The following CCDC126 variants were observed in gnomAD, a reference collection of about 807,000 sequenced individuals.
CCDC126 encodes coiled-coil domain containing 126.
A neutral mutation model predicts 11.7 loss-of-function variants in CCDC126; 5 were observed. The observed-to-expected ratio is 0.43, with a 90% CI of 0.22 to 0.90. The LOEUF is 0.90. Ranked by LOEUF, CCDC126 falls within the 40% of genes least tolerant of loss-of-function variation. The pLI, the probability that CCDC126 is intolerant of heterozygous loss-of-function variation, is 0.27. For synonymous variants in CCDC126, 60 were observed against 61.9 expected (o/e 0.97, Z 0.14); for missense variants, 150 against 163.1 (o/e 0.92, Z 0.44).
chr7:23,628,491 C>T (rs548356380), intron 3 of CCDC126, among the ~76,000 whole-genome samples: 3 of 152,212 alleles, frequency 2.0e-5, no homozygotes, highest in Non-Finnish European at 2.9e-5. Flanking sequence ...AGCCAAACAT[C>T]ACAGAAAAAA....
At chr7:23,627,240 G>T (rs1034412659) in intron 3 of CCDC126, among the ~76,000 whole-genome samples, 2 of 152,090 alleles carry the variant, frequency 1.3e-5, no homozygotes, top group Non-Finnish European at 2.9e-5. Context: ...TGCCAGCCAG[G>T]TGCAGTGGCT....
chr7:23,612,566 G>A (rs374466330), intron 3 of CCDC126, among the ~76,000 whole-genome samples: 2 of 151,292 alleles, frequency 1.3e-5, no homozygotes, highest in Admixed American at 6.6e-5. Context: ...TTAGCTAGTC[G>A]GGAGGCTGAG....
intron 2 of CCDC126, among the ~76,000 whole-genome samples, chr7:23,605,767 A>T (rs1057114473): frequency 6.6e-6 from 1 of 152,166 alleles, no homozygotes; most frequent in Non-Finnish European, 1.5e-5. Flanking sequence ...TAATGCTGCA[A>T]TGAACACTGG....
chr7:23,642,404 G>A (rs985109953), intron 3 of CCDC126, among the ~76,000 whole-genome samples: 2 of 152,110 alleles, frequency 1.3e-5, no homozygotes, highest in African/African-American at 4.8e-5. Context: ...CTAGAAAAGC[G>A]AGAGTTTCCC....
chr7:23,624,373 C>T (rs1782976799), intron 3 of CCDC126, among the ~76,000 whole-genome samples: 1 of 152,160 alleles, frequency 6.6e-6, no homozygotes, highest in South Asian at 2.1e-4. Flanking sequence ...AAACTCCTGG[C>T]CTCATGTCGT....
chr7:23,617,348 CAAAAA>C (rs35391703), intron 3 of CCDC126, among the ~76,000 whole-genome samples: 58 of 36,242 alleles, frequency 1.6e-3, no homozygotes, highest in Middle Eastern at 0.025. Flanking sequence ...ATGCTGTCTC[CAAAAA>C]AAAAAAAAAA....
intron 3 of CCDC126, among the ~76,000 whole-genome samples, chr7:23,641,975 A>T (rs576079603): frequency 9.2e-5 from 14 of 152,184 alleles, no homozygotes; most frequent in South Asian, 2.1e-4. Context: ...TCTCTTTCTT[A>T]GCTAGCTTTT....
intron 3 of CCDC126, among the ~76,000 whole-genome samples, chr7:23,629,199 T>G (rs558249798): frequency 6.6e-6 from 1 of 152,344 alleles, no homozygotes; most frequent in East Asian, 1.9e-4. Flanking sequence ...TTGGTAGTAT[T>G]AGAAGGTGGC....
chr7:23,622,677 A>T (rs1161956122), intron 3 of CCDC126: 1 of 532,678 alleles, frequency 1.9e-6, no homozygotes, highest in African/African-American at 1.9e-5. Flanking sequence ...TATGCAGATG[A>T]CTGCTTAGTA....
chr7:23,605,946 T>C (rs1782615502), intron 2 of CCDC126, among the ~76,000 whole-genome samples: 6 of 152,122 alleles, frequency 3.9e-5, no homozygotes. Flanking sequence ...CAGAAGAGTT[T>C]CGATTTGTTC....
chr7:23,619,171 G>C (rs1782845911), intron 3 of CCDC126, among the ~76,000 whole-genome samples: 2 of 152,148 alleles, frequency 1.3e-5, no homozygotes, highest in South Asian at 4.1e-4. Context: ...TTGGAGTGGT[G>C]CACAGAATTT....
Position 23,603,922 on chromosome 7 carries a change from T to C in CCDC126, c.-146+5871T>C, listed in dbSNP as rs138431456. 7.2e-5 allele frequency among the ~76,000 whole-genome samples: 11 copies of C among 152,314 alleles called. No individual in the cohort carries two copies. In the East Asian group the frequency reaches 2.1e-3, roughly 29 times the overall value. On this transcript the variant is annotated intron_variant, in intron 2 of 3. Transcript: ENST00000307471. ...GGGACTTAATCAGGGAGACATGGCT[T>C]ACACACATGCTTGGATGTGTGATAT...
chr7:23,609,861 TA>T (rs869282573), intron 2 of CCDC126, among the ~76,000 whole-genome samples: 1 of 152,120 alleles, frequency 6.6e-6, no homozygotes, highest in East Asian at 1.9e-4. Context: ...GACCCTGTCT[TA>T]AAAAATAAAT....
rs190240511 is a variant in CCDC126 at position 23,617,455 on chromosome 7, T to C, written c.238+5902T>C. 3.1e-3 allele frequency among the ~76,000 whole-genome samples: 467 copies of C among 152,250 alleles called. 3 individuals carry two copies. Among genetic ancestry groups the C allele is most frequent in the Middle Eastern group, 0.014 (4 of 294 alleles). ...TTTTCTGAAGCGTTTTTATGTTTCT[T>C]CCAAATATATCTGGTGATCCTTATT... On this transcript the variant is annotated intron_variant, in intron 3 of 3. Coordinates refer to ENST00000307471, the MANE Select transcript of CCDC126 (RefSeq NM_138771.4).
chr7:23,618,538 A>ATGT (rs1562493420), intron 3 of CCDC126, among the ~76,000 whole-genome samples: 1 of 119,618 alleles, frequency 8.4e-6, no homozygotes, highest in Non-Finnish European at 1.7e-5. Flanking sequence ...GATCAGCTAA[A>ATGT]TTTTTTTTTT....
At chr7:23,636,685 TGAG>T (rs1412646370) in intron 3 of CCDC126, among the ~76,000 whole-genome samples, 1 of 145,980 alleles carries the variant, frequency 6.9e-6, no homozygotes, top group Admixed American at 6.7e-5. Context: ...GTCTGGGAAG[TGAG>T]GAGCCCCTCC....
chr7:23,600,777 A>AT (rs1225820357), intron 2 of CCDC126, among the ~76,000 whole-genome samples: 1 of 152,196 alleles, frequency 6.6e-6, no homozygotes, highest in Non-Finnish European at 1.5e-5. Context: ...TTAGCCATCT[A>AT]TTTGTGTTTT....
chr7:23,624,603 G>A (rs1425637828), intron 3 of CCDC126, among the ~76,000 whole-genome samples: 3 of 152,184 alleles, frequency 2.0e-5, no homozygotes, highest in Admixed American at 6.5e-5. Flanking sequence ...TATAATAAAT[G>A]AGCATGCCTA....
chr7:23,643,021 A>G lies in CCDC126; in HGVS notation c.329A>G (p.Asn110Ser). Residue 110 changes from asparagine to serine, a missense_variant, in exon 4 of 4, where the codon AAT becomes AGT. Transcript: ENST00000307471. ...LENKVDYIVVNGSAANTTNGT... is the reference protein window; with the variant it reads ...LENKVDYIVVSGSAANTTNGT... Reference sequence around the variant, plus strand: ...AACAAAGTTGACTATATTGTTGTGAATGGCTCAGCAGCCAACACCACCAAT... The same window carrying G: ...AACAAAGTTGACTATATTGTTGTGAGTGGCTCAGCAGCCAACACCACCAAT... The G allele has an allele frequency of 4.3e-6, 7 of 1,614,178 alleles. No homozygotes were observed. Among genetic ancestry groups the G allele is most frequent in the Non-Finnish European group, 5.9e-6 (7 of 1,180,008 alleles).
Sources: gnomAD v4.1 joint callset for allele counts (sites outside exome capture counted in the v4.1 genomes callset) on GRCh38, gnomAD v4.1.1 for gene constraint, MANE v1.5 for transcripts, NCBI Gene and HGNC (gene_info 2026-07-23, HGNC 2026-07-21) for gene names.